MTCL2: variants seen among roughly 807,000 people sequenced by gnomAD.
The protein encoded by MTCL2 is microtubule cross-linking factor 2.
the MTCL2 span, among the ~76,000 whole-genome samples, chr20:36,841,877 GTGTGTGTGTGTGTGTGTGT>G: frequency 4.2e-5 from 3 of 71,712 alleles, no homozygotes; most frequent in African/African-American, 9.3e-5. Context: ...GGGGTGGGGT[GTGTGTGTGTGTGTGTGTGT>G]GTGTGTGTGT....
the MTCL2 span, chr20:36,794,548 G>A: frequency 1.2e-6 from 2 of 1,614,038 alleles, no homozygotes; most frequent in South Asian, 1.1e-5. This position sits in a 1 kb window ranked among gnomAD's most constrained non-coding sequence, Gnocchi z 5.4. Context: ...CAAGGTAAGG[G>A]GAACAGTCGA....
the MTCL2 span, among the ~76,000 whole-genome samples, chr20:36,788,177 G>C: frequency 6.7e-6 from 1 of 149,796 alleles, no homozygotes; most frequent in Non-Finnish European, 1.5e-5. Context: ...CTCCAGCCTG[G>C]GGGACAGAGT....
chr20:36,828,950 T>TG, the MTCL2 span: 1 of 1,274,178 alleles, frequency 7.8e-7, no homozygotes, highest in Admixed American at 2.9e-5. Flanking sequence ...AGGCATAAGC[T>TG]GCCCATTTCC....
At chr20:36,801,737 G>A in the MTCL2 span, among the ~76,000 whole-genome samples, 4 of 152,002 alleles carry the variant, frequency 2.6e-5, no homozygotes, top group Non-Finnish European at 5.9e-5. Flanking sequence ...AGACCGAGGC[G>A]GGCGGATCAC....
chr20:36,858,461 AAAACACACACACACACACACACAC>A, the MTCL2 span, among the ~76,000 whole-genome samples: 338 of 42,202 alleles, frequency 8.0e-3, 7 homozygotes, highest in Middle Eastern at 0.023. Context: ...CCAAGGAGGG[AAAACACACACACACACACACACAC>A]ACACACACAC....
At chr20:36,798,093 A>G in the MTCL2 span, among the ~76,000 whole-genome samples, 5 of 150,302 alleles carry the variant, frequency 3.3e-5, 1 homozygote, top group Admixed American at 3.3e-4. Flanking sequence ...TTTTTGAGAC[A>G]GGGTCTTACT....
At chr20:36,785,063 C>T in the MTCL2 span, 1 of 985,462 alleles carries the variant, frequency 1.0e-6, no homozygotes, top group South Asian at 4.7e-5. Flanking sequence ...GGCCGTCCAG[C>T]CCTCCACCTT....
At chr20:36,832,972 T>G in the MTCL2 span, among the ~76,000 whole-genome samples, 1 of 152,186 alleles carries the variant, frequency 6.6e-6, no homozygotes, top group Non-Finnish European at 1.5e-5. Flanking sequence ...CACAAGTGAT[T>G]TACAGAATCA....
the MTCL2 span, chr20:36,780,663 C>T: frequency 6.6e-6 from 1 of 152,206 alleles, no homozygotes; most frequent in East Asian, 1.9e-4. Flanking sequence ...CTCGCAGGCA[C>T]AGTGTTGCAG....
the MTCL2 span, among the ~76,000 whole-genome samples, chr20:36,798,337 G>A: frequency 6.6e-6 from 1 of 152,174 alleles, no homozygotes; most frequent in Non-Finnish European, 1.5e-5. Context: ...TAAAATGCTG[G>A]GATTACAGGT....
the MTCL2 span, among the ~76,000 whole-genome samples, chr20:36,820,756 C>T: frequency 2.6e-5 from 4 of 151,892 alleles, no homozygotes; most frequent in Middle Eastern, 3.4e-3. Flanking sequence ...GCAGGAGAAT[C>T]GGTTGAACCC....
At chr20:36,842,801 A>G in the MTCL2 span, among the ~76,000 whole-genome samples, 1 of 152,020 alleles carries the variant, frequency 6.6e-6, no homozygotes, top group African/African-American at 2.4e-5. Context: ...AAACAGAGTC[A>G]CCAGGGATGA....
At chr20:36,794,397 C>T in the MTCL2 span, 3 of 1,613,502 alleles carry the variant, frequency 1.9e-6, no homozygotes, top group Admixed American at 3.3e-5. This position sits in a 1 kb window ranked among gnomAD's most constrained non-coding sequence, Gnocchi z 5.4. Context: ...TCCTGGCAGG[C>T]CAGGGCACCC....
the MTCL2 span, chr20:36,783,290 T>G: frequency 6.6e-6 from 1 of 152,176 alleles, no homozygotes; most frequent in African/African-American, 2.4e-5. Flanking sequence ...TTCTGATGTC[T>G]CGTGTGTGCA....
At chr20:36,814,192 G>A in the MTCL2 span, among the ~76,000 whole-genome samples, 1 of 152,100 alleles carries the variant, frequency 6.6e-6, no homozygotes. Flanking sequence ...ATGAGAGGGG[G>A]AATCATATCT....
chr20:36,777,589 T>C, the MTCL2 span: 2 of 435,112 alleles, frequency 4.6e-6, no homozygotes, highest in Non-Finnish European at 8.2e-6. Flanking sequence ...TAGCACCCGA[T>C]CCATCCTAGG....
the MTCL2 span, chr20:36,794,532 C>T: frequency 8.1e-6 from 13 of 1,613,908 alleles, no homozygotes; most frequent in Middle Eastern, 1.6e-4. This position sits in a 1 kb window ranked among gnomAD's most constrained non-coding sequence, Gnocchi z 5.4. Flanking sequence ...CGGGCATCTC[C>T]GCCAGCAAGG....
At chr20:36,843,017 TCCTC>T in the MTCL2 span, among the ~76,000 whole-genome samples, 1 of 152,082 alleles carries the variant, frequency 6.6e-6, no homozygotes, top group East Asian at 1.9e-4. Flanking sequence ...GGTCTCGTAT[TCCTC>T]CCTCCTCATG....
At chr20:36,786,640 A>G in the MTCL2 span, 15 of 1,548,084 alleles carry the variant, frequency 9.7e-6, 1 homozygote, top group Non-Finnish European at 1.2e-5. Flanking sequence ...ACAGCGTCCT[A>G]GGAAGAGGGA....
Sources: allele counts gnomAD v4.1 joint callset (sites outside exome capture counted in the v4.1 genomes callset), GRCh38; gene constraint gnomAD v4.1.1; non-coding constraint Gnocchi (gnomAD v3.1); transcripts MANE v1.5; gene names NCBI Gene and HGNC (gene_info 2026-07-23, HGNC 2026-07-21).